The following XKR6 variants were observed in gnomAD, a reference collection of about 807,000 sequenced individuals.
XKR6 encodes XK-related protein 6.
XKR6 carries 22 observed loss-of-function variants against 56.7 expected under a neutral mutation model. The observed-to-expected ratio is 0.39, with a 90% CI of 0.28 to 0.55. The LOEUF (loss-of-function observed/expected upper bound fraction) is 0.55, where lower values mean the gene tolerates loss of function less well. XKR6 is among the 20% of genes least tolerant of loss of function. The pLI, the probability that XKR6 is intolerant of heterozygous loss-of-function variation, is 0.66. For missense variants in XKR6, 852 were observed against 889.0 expected (o/e 0.96, Z 0.53); for synonymous variants, 524 against 387.8 (o/e 1.35, Z -4.13).
intron 1 of XKR6, among the ~76,000 whole-genome samples, chr8:11,086,190 C>G (rs1259368006): frequency 6.7e-6 from 1 of 148,992 alleles, no homozygotes; most frequent in African/African-American, 2.5e-5. Flanking sequence ...AATTCTGATC[C>G]AGATTCTTGC....
chr8:10,930,118 T>A (rs1801012856), intron 1 of XKR6, among the ~76,000 whole-genome samples: 1 of 152,160 alleles, frequency 6.6e-6, no homozygotes, highest in South Asian at 2.1e-4. Context: ...CCCTCTGAGG[T>A]TGGCTATGGC....
intron 1 of XKR6, among the ~76,000 whole-genome samples, chr8:10,994,099 C>T (rs1054098543): frequency 6.6e-6 from 1 of 152,180 alleles, no homozygotes; most frequent in Non-Finnish European, 1.5e-5. Flanking sequence ...GAACATGGTT[C>T]CCCAACCTCT....
intron 1 of XKR6, among the ~76,000 whole-genome samples, chr8:11,037,730 C>CGT: frequency 6.6e-6 from 1 of 152,052 alleles, no homozygotes; most frequent in African/African-American, 2.4e-5. Context: ...TGGTGGCGTG[C>CGT]GCCTGTAATC....
At chr8:10,964,543 C>G (rs74464418) in intron 1 of XKR6, among the ~76,000 whole-genome samples, 3 of 152,176 alleles carry the variant, frequency 2.0e-5, no homozygotes, top group Admixed American at 2.0e-4. Flanking sequence ...CTTCAGTCAG[C>G]GAAAATGGCA....
chr8:11,092,594 G>C (rs1387496258), intron 1 of XKR6, among the ~76,000 whole-genome samples: 6 of 152,160 alleles, frequency 3.9e-5, no homozygotes, highest in Admixed American at 2.0e-4. Flanking sequence ...CTGATCTCAC[G>C]TTCGTAGGGA....
At chr8:10,960,136 T>C (rs886361526) in intron 1 of XKR6, among the ~76,000 whole-genome samples, 2 of 152,176 alleles carry the variant, frequency 1.3e-5, no homozygotes, top group African/African-American at 4.8e-5. Context: ...CATAAAAAGG[T>C]CTTTTCCTAG....
intron 1 of XKR6, among the ~76,000 whole-genome samples, chr8:11,072,725 G>C (rs962679038): frequency 3.9e-5 from 6 of 152,202 alleles, no homozygotes; most frequent in African/African-American, 1.4e-4. Context: ...CAGAGTGTCT[G>C]AACTGTGCCT....
intron 1 of XKR6, among the ~76,000 whole-genome samples, chr8:10,980,824 T>C (rs867648952): frequency 1.6e-4 from 24 of 152,158 alleles, no homozygotes; most frequent in Admixed American, 5.9e-4. Flanking sequence ...GTTGCATGGA[T>C]CATGAATAAT....
chr8:11,173,392 TATATACATATATATATAC>T (rs1019074982), intron 1 of XKR6, among the ~76,000 whole-genome samples: 4 of 149,490 alleles, frequency 2.7e-5, no homozygotes, highest in South Asian at 4.2e-4. Flanking sequence ...CACACAAATA[TATATACATATATATATAC>T]ATATACATAT....
chr8:11,090,555 AC>A (rs1351061675), intron 1 of XKR6, among the ~76,000 whole-genome samples: 6 of 152,188 alleles, frequency 3.9e-5, no homozygotes, highest in Non-Finnish European at 7.3e-5. Context: ...TTAGTGCTTG[AC>A]ACACTTGCCT....
chr8:11,060,976 A>G (rs1799818555), intron 1 of XKR6, among the ~76,000 whole-genome samples: 1 of 152,216 alleles, frequency 6.6e-6, no homozygotes, highest in Admixed American at 6.5e-5. Flanking sequence ...AACTTGCCCA[A>G]CATCTCCAAG....
chr8:10,976,823 C>T (rs1298525171), intron 1 of XKR6, among the ~76,000 whole-genome samples: 2 of 152,088 alleles, frequency 1.3e-5, no homozygotes, highest in African/African-American at 2.4e-5. Context: ...ATTTTACTTG[C>T]AATCCTCCAA....
intron 1 of XKR6, among the ~76,000 whole-genome samples, chr8:11,009,569 T>A (rs762754738): frequency 6.6e-6 from 1 of 152,206 alleles, no homozygotes; most frequent in African/African-American, 2.4e-5. Flanking sequence ...AGCATGAGCT[T>A]AGAACTAAGA....
At position 11,200,128 on chromosome 8, in the gene XKR6, G is replaced by C. The variant is rs1236863594; in HGVS notation, c.764+448C>G. ...ACAGGGCCCCACGCAGGCCACTGCA[G>C]AGGGAGAACGGGGGAAGAGGGGAGG... On this transcript the variant is annotated intron_variant, in intron 1 of 2. Coordinates refer to ENST00000416569, the MANE Select transcript of XKR6 (RefSeq NM_173683.4). The surrounding 1 kb of genome is among the most constrained non-coding windows in gnomAD (Gnocchi z 6.4). Among the ~76,000 whole-genome samples, 2 of 152,262 alleles carry C rather than the reference G, an allele frequency of 1.3e-5. No homozygotes were observed. The highest frequency in any genetic ancestry group is 6.5e-5 in the Admixed American group (1 of 15,290).
chr8:11,163,479 T>C (rs896729701), intron 1 of XKR6, among the ~76,000 whole-genome samples: 1 of 152,228 alleles, frequency 6.6e-6, no homozygotes, highest in Non-Finnish European at 1.5e-5. Flanking sequence ...ATACACCATG[T>C]CTTTCTTTCG....
intron 1 of XKR6, among the ~76,000 whole-genome samples, chr8:11,199,373 T>C (rs1308841332): frequency 6.6e-6 from 1 of 152,224 alleles, no homozygotes; most frequent in East Asian, 1.9e-4. Context: ...GGACAAACCA[T>C]TAAAAAGACA....
intron 1 of XKR6, chr8:11,062,727 T>A (rs1392743900): frequency 8.8e-6 from 4 of 456,010 alleles, no homozygotes; most frequent in South Asian, 3.1e-5. Context: ...ACTCTTTTTT[T>A]AAATACTGTG....
intron 1 of XKR6, among the ~76,000 whole-genome samples, chr8:11,190,084 G>C (rs1803473627): frequency 6.6e-6 from 1 of 151,986 alleles, no homozygotes; most frequent in African/African-American, 2.4e-5. Context: ...TTGAACTCAG[G>C]AGGCAGAGGT....
At chr8:11,111,569 A>C (rs1397637864) in intron 1 of XKR6, 16 of 152,158 alleles carry the variant, frequency 1.1e-4, no homozygotes, top group Admixed American at 1.0e-3. Flanking sequence ...AGCAGACAGA[A>C]AAGACAAGAA....
Sources: allele counts gnomAD v4.1 joint callset (sites outside exome capture counted in the v4.1 genomes callset), GRCh38; gene constraint gnomAD v4.1.1; non-coding constraint Gnocchi (gnomAD v3.1); transcripts MANE v1.5; gene names NCBI Gene and HGNC (gene_info 2026-07-23, HGNC 2026-07-21).